The following CAMK2G variants were observed in gnomAD, a reference collection of about 807,000 sequenced individuals.
CAMK2G encodes the protein calcium/calmodulin-dependent protein kinase type II subunit gamma.
CAMK2G carries 23 observed loss-of-function variants against 88.7 expected under a neutral mutation model. The ratio of observed to expected loss-of-function variants is 0.26; its 90% confidence interval spans 0.19 to 0.37. The LOEUF is 0.37. Among genes scored for constraint, CAMK2G ranks in the 10% least tolerant of loss-of-function variants. CAMK2G has a pLI of 1.00. For synonymous variants in CAMK2G, 263 were observed against 294.8 expected, an observed-to-expected ratio of 0.89 and a Z score of 1.11; for missense variants, 476 against 780.8, an observed-to-expected ratio of 0.61 and a Z score of 4.65.
At chr10:73,855,012 A>G (rs551398182) in intron 3 of CAMK2G, among the ~76,000 whole-genome samples, 1 of 152,258 alleles carries the variant, frequency 6.6e-6, no homozygotes, top group East Asian at 1.9e-4. Context: ...GTATATATCC[A>G]ATATACATTC....
At chr10:73,847,850 C>A (rs1565383948) in intron 9 of CAMK2G, 138 bp downstream of exon 9, 5 of 596,520 alleles carry the variant, frequency 8.4e-6, no homozygotes, top group Non-Finnish European at 1.5e-5. Context: ...GCCCTGGATG[C>A]CCATTCCTGG....
In CAMK2G at chr10:73,842,386, G is replaced by T; in HGVS notation, c.903+72C>A. On this transcript the variant is annotated intron_variant, in intron 11 of 22. Coordinates refer to ENST00000423381, the MANE Select transcript of CAMK2G (RefSeq NM_001367534.1). This position sits in a 1 kb window ranked among gnomAD's most constrained non-coding sequence, Gnocchi z 4.6. ...CCAGCCAGGAGGGGAGCTTCCTTCT[G>T]AAATGGGGCAGGAGCCACACTGGTG... The T allele has an allele frequency of 7.7e-7, 1 of 1,292,152 alleles. No homozygotes were observed. Among genetic ancestry groups the T allele is most frequent in the Non-Finnish European group, 1.1e-6 (1 of 886,678 alleles). The allele number at this position is 1,292,152 out of a possible 1,614,324, so 80.0% of individuals were successfully genotyped here. A position where few individuals can be genotyped will look rare whatever the true frequency, so the allele number is the denominator to read the frequency against.
At chr10:73,841,127 T>C (rs1374217517) in intron 12 of CAMK2G, among the ~76,000 whole-genome samples, 4 of 152,244 alleles carry the variant, frequency 2.6e-5, no homozygotes, top group Non-Finnish European at 4.4e-5. Flanking sequence ...CACGAAGCCC[T>C]AGGCTCCCTG....
chr10:73,869,312 C>T (rs1167028534), intron 2 of CAMK2G, among the ~76,000 whole-genome samples: 1 of 152,208 alleles, frequency 6.6e-6, no homozygotes, highest in Non-Finnish European at 1.5e-5. Context: ...TGGAAGAGAT[C>T]CCAACAGTGG....
chr10:73,855,953 T>C (rs1036356429), intron 3 of CAMK2G, among the ~76,000 whole-genome samples: 2 of 152,188 alleles, frequency 1.3e-5, no homozygotes, highest in African/African-American at 4.8e-5. Flanking sequence ...TCTTTTTTTT[T>C]TTAAGAGACA....
Position 73,817,483 on chromosome 10 carries a change from A to G in CAMK2G, c.1435T>C (p.Tyr479His). ...AAAAAATGGGTCTCTACTTACGTGT[A>G]GGCCTCAAAGTCCCCATTGTTGATG... ...EAINNGDFEA[Y>H]TKICDPGLTS... Residue 479 changes from tyrosine (Y) to histidine (H), a missense_variant, in exon 20 of 23, where the codon TAC becomes CAC. Coordinates refer to ENST00000423381, the MANE Select transcript of CAMK2G (RefSeq NM_001367534.1). 6.2e-7 allele frequency: 1 copy of G among 1,604,764 alleles called. No homozygotes were observed. The highest frequency in any genetic ancestry group is 8.5e-7 in the Non-Finnish European group (1 of 1,171,428).
chr10:73,842,276 C>A lies in CAMK2G; in HGVS notation c.904-65G>T. The A allele has an allele frequency of 7.2e-7, 1 of 1,393,270 alleles. No individual in the cohort carries two copies. The highest frequency in any genetic ancestry group is 1.7e-5 in the Admixed American group (1 of 59,736). The allele number at this position is 1,393,270 out of a possible 1,614,324, so 86.3% of individuals were successfully genotyped here. On this transcript the variant is annotated intron_variant, in intron 11 of 22. Coordinates refer to ENST00000423381, the MANE Select transcript of CAMK2G (RefSeq NM_001367534.1). The surrounding 1 kb of genome is among the most constrained non-coding windows in gnomAD (Gnocchi z 4.6). ...TAGAAAAGGGCAGGCTGGTCTCAGGCAAAGGCAGGTCCTGGCTAGAGCCTG... is the reference window on the plus strand; with the variant it reads ...TAGAAAAGGGCAGGCTGGTCTCAGGAAAAGGCAGGTCCTGGCTAGAGCCTG...
rs375277421 is a variant in CAMK2G, at chr10:73,817,509, G to T, written c.1409C>A (p.Ala470Asp). The change falls in exon 20 of 23, where the codon GCC becomes GAC. Residue 470 changes from alanine to aspartate, a missense_variant. Around this residue, in one of 3 missense-constraint regions of CAMK2G, gnomAD observed 278 missense variants for 366.5 expected, o/e 0.76. Transcript: ENST00000423381. ...IIKITEQLIE[A>D]INNGDFEAYT... The stretch of plus-strand genomic sequence containing the variant: ...GGCCTCAAAGTCCCCATTGTTGATG[G>T]CTTCAATCAGCTGTTCTGTAATCTT... 93 of 1,613,050 alleles carry T rather than the reference G, an allele frequency of 5.8e-5. No individual in the cohort carries two copies. The highest frequency in any genetic ancestry group is 1.7e-5 in the Admixed American group (1 of 59,998).
At chr10:73,870,358 GCAGA>G (rs1253975628) in intron 2 of CAMK2G, among the ~76,000 whole-genome samples, 2 of 152,178 alleles carry the variant, frequency 1.3e-5, no homozygotes, top group African/African-American at 4.8e-5. Flanking sequence ...AGACAGGCCC[GCAGA>G]CAAAGACAGT....
intron 2 of CAMK2G, among the ~76,000 whole-genome samples, chr10:73,870,707 G>C (rs1250208567): frequency 6.6e-6 from 1 of 152,168 alleles, no homozygotes. Flanking sequence ...CCCAGACACA[G>C]AAATCCAACA....
At position 73,848,789 on chromosome 10, in the gene CAMK2G, C is replaced by T. The variant is rs915733148; in HGVS notation, c.518-180G>A. 2.6e-5 allele frequency among the ~76,000 whole-genome samples: 4 copies of T among 152,256 alleles called. No homozygotes were observed. The highest frequency in any genetic ancestry group is 4.4e-5 in the Non-Finnish European group (3 of 68,044). On this transcript the variant is annotated intron_variant, in intron 7 of 22. Coordinates refer to ENST00000423381, the MANE Select transcript of CAMK2G (RefSeq NM_001367534.1). The surrounding 1 kb of genome is among the most constrained non-coding windows in gnomAD (Gnocchi z 4.5). The stretch of plus-strand genomic sequence containing the variant: ...TGTAGCGCCTGGAATCTGAACCAGA[C>T]GGCAAAGCCGTATGCCTACCAGGAA...
rs1476451368 is a variant in CAMK2G, at chr10:73,839,460, G to A, written c.1009+79C>T. 4 of 798,140 alleles carry A rather than the reference G, an allele frequency of 5.0e-6. No homozygotes were observed. The Admixed American group carries it at 1.3e-4, about 26-fold the overall frequency. The allele number at this position is 798,140 out of a possible 1,614,324, so 49.4% of individuals were successfully genotyped here. A position where few individuals can be genotyped will look rare whatever the true frequency, so the allele number is the denominator to read the frequency against. On this transcript the variant is annotated intron_variant, in intron 13 of 22. Transcript: ENST00000423381. The surrounding 1 kb of genome is among the most constrained non-coding windows in gnomAD (Gnocchi z 4.2). ...AGCATGGGACTCGCCTCCCTGGTGA[G>A]TGGGCCCGGCATGCTGGCCCTCCTG...
intron 3 of CAMK2G, among the ~76,000 whole-genome samples, chr10:73,856,939 C>G (rs535372354): frequency 3.9e-5 from 6 of 152,286 alleles, no homozygotes; most frequent in African/African-American, 1.4e-4. Flanking sequence ...AAATCTTTCT[C>G]CAAAAAGCAC....
At chr10:73,851,690 C>T (rs976057692) in intron 5 of CAMK2G, among the ~76,000 whole-genome samples, 3 of 133,388 alleles carry the variant, frequency 2.2e-5, no homozygotes, top group East Asian at 2.1e-4. Context: ...TCTGGGGTCA[C>T]AGGGTAAAGG....
At chr10:73,856,361 A>C (rs1009737403) in intron 3 of CAMK2G, among the ~76,000 whole-genome samples, 1 of 152,188 alleles carries the variant, frequency 6.6e-6, no homozygotes, top group Non-Finnish European at 1.5e-5. Flanking sequence ...ACCTTCTCAA[A>C]TTCTTAGGCA....
At chr10:73,825,389 C>A in intron 15 of CAMK2G, 42 bp from the exon 16 acceptor site, 1 of 1,511,318 alleles carries the variant, frequency 6.6e-7, no homozygotes, top group Non-Finnish European at 9.2e-7. Context: ...CCAGAGTCCC[C>A]AAGGCCACTC....
intron 2 of CAMK2G, among the ~76,000 whole-genome samples, chr10:73,862,297 A>AC (rs111889953): frequency 4.0e-5 from 3 of 75,944 alleles, no homozygotes; most frequent in Non-Finnish European, 7.8e-5. Flanking sequence ...CTCCTACTCC[A>AC]CCCCCCCCCC....
intron 12 of CAMK2G, among the ~76,000 whole-genome samples, chr10:73,840,243 G>A (rs1234617711): frequency 6.6e-6 from 1 of 152,200 alleles, no homozygotes; most frequent in Admixed American, 6.5e-5. Flanking sequence ...GAGGTGAAAG[G>A]TGCCCAAGAA....
chr10:73,835,912 G>A (rs181092259), intron 14 of CAMK2G, among the ~76,000 whole-genome samples: 1 of 152,210 alleles, frequency 6.6e-6, no homozygotes, highest in Admixed American at 6.5e-5. Context: ...TTGGCTCACT[G>A]CAACCTCCGC....
Sources: gnomAD v4.1 joint callset for allele counts (sites outside exome capture counted in the v4.1 genomes callset) on GRCh38, gnomAD v4.1.1 for gene constraint, gnomAD v4.1.1 regional missense constraint, Gnocchi (gnomAD v3.1) non-coding constraint, MANE v1.5 for transcripts, NCBI Gene and HGNC (gene_info 2026-07-23, HGNC 2026-07-21) for gene names.